NCAM2: variants seen among roughly 807,000 people sequenced by gnomAD.
NCAM2 encodes the protein neural cell adhesion molecule 2, also known as N-CAM-2.
A neutral mutation model predicts 98.1 loss-of-function variants in NCAM2; 30 were observed. That is an observed-to-expected ratio of 0.31 (90% CI 0.23 to 0.41). The LOEUF (loss-of-function observed/expected upper bound fraction) is 0.41. NCAM2 is among the 10% of genes least tolerant of loss of function. The probability of loss-of-function intolerance (pLI) is 1.00; values close to 1 mark genes in which losing one functional copy is unlikely to be tolerated. For missense variants in NCAM2, 867 were observed against 1,005.8 expected, an observed-to-expected ratio of 0.86 and a Z score of 1.87; for synonymous variants, 368 against 342.4, an observed-to-expected ratio of 1.07 and a Z score of -0.83.
chr21:21,195,074 T>C (rs938514870), intron 1 of NCAM2, among the ~76,000 whole-genome samples: 2 of 152,202 alleles, frequency 1.3e-5, no homozygotes, highest in Non-Finnish European at 2.9e-5. Flanking sequence ...GAAGATGTTA[T>C]GACTTTAAGA....
intron 1 of NCAM2, among the ~76,000 whole-genome samples, chr21:21,230,512 A>G (rs1317450387): frequency 6.6e-6 from 1 of 151,314 alleles, no homozygotes; most frequent in Non-Finnish European, 1.5e-5. Flanking sequence ...ATATGCTTTC[A>G]TCCTATAAGT....
At chr21:21,365,346 C>G (rs2075759911) in intron 8 of NCAM2, among the ~76,000 whole-genome samples, 1 of 151,248 alleles carries the variant, frequency 6.6e-6, no homozygotes, top group East Asian at 2.0e-4. Context: ...GCCAAAATAG[C>G]CCTAAACTAA....
At chr21:21,256,042 T>A (rs1028951725) in intron 1 of NCAM2, among the ~76,000 whole-genome samples, 1 of 152,064 alleles carries the variant, frequency 6.6e-6, no homozygotes, top group African/African-American at 2.4e-5. Flanking sequence ...GTTAGGTAGA[T>A]TAGAATGGAG....
chr21:21,284,392 A>C lies in NCAM2; in HGVS notation c.329A>C (p.Glu110Ala). The change falls in exon 3 of 18, where the codon GAA becomes GCA. Residue 110 changes from glutamate to alanine, a missense_variant. Glu to Ala is a moderately radical substitution (Grantham distance 107). Coordinates refer to ENST00000400546, the MANE Select transcript of NCAM2 (RefSeq NM_004540.5). ...ACACAAGAAGCTACAGTAGTTTTGG[A>C]AATTTACCGTAAGTAATGTATTTAT... ...GQTQEATVVLEIYQKLTFREV... is the reference protein window; with the variant it reads ...GQTQEATVVLAIYQKLTFREV... The C allele has an allele frequency of 1.2e-6, 2 of 1,607,440 alleles. No individual in the cohort carries two copies. The highest frequency in any genetic ancestry group is 1.7e-6 in the Non-Finnish European group (2 of 1,174,546).
intron 1 of NCAM2, among the ~76,000 whole-genome samples, chr21:21,271,091 A>G (rs1374167746): frequency 6.6e-6 from 1 of 152,122 alleles, no homozygotes; most frequent in African/African-American, 2.4e-5. Flanking sequence ...GAAATGAAAA[A>G]CACCCACATA....
chr21:21,222,750 G>A (rs2070221815), intron 1 of NCAM2, among the ~76,000 whole-genome samples: 1 of 152,134 alleles, frequency 6.6e-6, no homozygotes, highest in Admixed American at 6.6e-5. Context: ...ATGTGGCAAA[G>A]GATTCAGAAT....
At chr21:21,171,728 C>G (rs866749787) in intron 1 of NCAM2, among the ~76,000 whole-genome samples, 1 of 152,128 alleles carries the variant, frequency 6.6e-6, no homozygotes, top group Admixed American at 6.6e-5. Flanking sequence ...TTTTGAAAAT[C>G]TTTTCTGTAG....
At chr21:21,270,188 C>A (rs1038320087) in intron 1 of NCAM2, among the ~76,000 whole-genome samples, 7 of 152,080 alleles carry the variant, frequency 4.6e-5, no homozygotes, top group Admixed American at 2.6e-4. Context: ...CTAAGTGTTG[C>A]CTGTTGAAAT....
chr21:21,396,354 C>T (rs571709447), intron 9 of NCAM2, among the ~76,000 whole-genome samples: 1 of 152,066 alleles, frequency 6.6e-6, no homozygotes, highest in South Asian at 2.1e-4. Flanking sequence ...AATAAAAATA[C>T]AATAGTGTTA....
At chr21:21,422,313 G>T (rs1335201624) in intron 11 of NCAM2, among the ~76,000 whole-genome samples, 1 of 152,144 alleles carries the variant, frequency 6.6e-6, no homozygotes, top group African/African-American at 2.4e-5. Context: ...GTGGGAGGCT[G>T]GGAGAGAGGG....
intron 1 of NCAM2, among the ~76,000 whole-genome samples, chr21:21,128,261 T>C (rs1288774061): frequency 6.6e-6 from 1 of 151,630 alleles, no homozygotes; most frequent in Non-Finnish European, 1.5e-5. Flanking sequence ...TTTTTTCTTT[T>C]AAGCAAAGCA....
intron 10 of NCAM2, among the ~76,000 whole-genome samples, chr21:21,417,825 G>T (rs897225643): frequency 6.6e-6 from 1 of 152,030 alleles, no homozygotes; most frequent in Non-Finnish European, 1.5e-5. Flanking sequence ...GAGAAAAAGT[G>T]CCTGTCTATG....
intron 1 of NCAM2, among the ~76,000 whole-genome samples, chr21:21,036,639 G>T (rs549055271): frequency 6.6e-6 from 1 of 151,772 alleles, no homozygotes; most frequent in Non-Finnish European, 1.5e-5. Flanking sequence ...GGAGGTGTAG[G>T]AGTAAATGAT....
At chr21:21,292,655 A>G (rs2073339503) in intron 5 of NCAM2, among the ~76,000 whole-genome samples, 1 of 151,952 alleles carries the variant, frequency 6.6e-6, no homozygotes, top group African/African-American at 2.4e-5. Flanking sequence ...ATTTACAAGT[A>G]TTAATGGACA....
At chr21:21,010,305 G>T (rs942493286) in intron 1 of NCAM2, among the ~76,000 whole-genome samples, 4 of 151,960 alleles carry the variant, frequency 2.6e-5, no homozygotes, top group Non-Finnish European at 5.9e-5. Context: ...AACCTAGGTT[G>T]TTCAATGGCT....
chr21:21,106,314 C>CAAGAAAAAAAAAAAAAAAAAAAAAA (rs2066345248), intron 1 of NCAM2, among the ~76,000 whole-genome samples: 1 of 103,490 alleles, frequency 9.7e-6, no homozygotes, highest in South Asian at 3.6e-4. Flanking sequence ...GTCTCAAAAG[C>CAAGAAAAAAAAAAAAAAAAAAAAAA]AAAAAAAAAA....
At chr21:21,483,961 C>G (rs931297391) in intron 15 of NCAM2, among the ~76,000 whole-genome samples, 6 of 152,000 alleles carry the variant, frequency 3.9e-5, no homozygotes, top group Admixed American at 1.3e-4. Context: ...AATAGAATGG[C>G]TTTTATTAAA....
intron 16 of NCAM2, 94 bp from the exon 17 acceptor site, chr21:21,534,443 G>A: frequency 1.9e-6 from 2 of 1,044,062 alleles, no homozygotes; most frequent in Non-Finnish European, 1.3e-6. Flanking sequence ...TTATTTGGAG[G>A]AAGGTAGAAT....
At chr21:21,099,206 G>A (rs1301546530) in intron 1 of NCAM2, among the ~76,000 whole-genome samples, 1 of 151,896 alleles carries the variant, frequency 6.6e-6, no homozygotes, top group African/African-American at 2.4e-5. Flanking sequence ...TAGAAAAGTA[G>A]ATGCTGGATC....
Sources: gnomAD v4.1 joint callset for allele counts (sites outside exome capture counted in the v4.1 genomes callset) on GRCh38, gnomAD v4.1.1 for gene constraint, MANE v1.5 for transcripts, NCBI Gene and HGNC (gene_info 2026-07-23, HGNC 2026-07-21) for gene names.